Variants in USP33 observed in about 807,000 individuals in gnomAD.
USP33 encodes the protein ubiquitin specific peptidase 33.
Under a neutral mutation model 124.2 loss-of-function variants are expected in USP33, and 46 were observed. The ratio of observed to expected loss-of-function variants is 0.37; its 90% confidence interval spans 0.29 to 0.47. USP33 has a LOEUF of 0.47. Ranked by LOEUF, USP33 falls within the 20% of genes least tolerant of loss-of-function variation. The pLI is 0.99. For missense variants in USP33, 851 were observed against 1,070.6 expected, an observed-to-expected ratio of 0.79 and a Z score of 2.86; for synonymous variants, 350 against 352.3, an observed-to-expected ratio of 0.99 and a Z score of 0.07.
Position 77,697,201 on chromosome 1 carries a change from G to T in USP33, c.*116C>A. The stretch of plus-strand genomic sequence containing the variant: ...ATGCCCACTAAGAAGAAATAAATGG[G>T]ATAAATGATGAAAAAAAATAAAGCA... On this transcript the variant is annotated 3_prime_UTR_variant, in exon 24 of 24. Transcript: ENST00000370794. The T allele has an allele frequency of 1.0e-6, 1 of 984,826 alleles. No individual in the cohort carries two copies. Among genetic ancestry groups the T allele is most frequent in the Non-Finnish European group, 1.5e-6 (1 of 685,720 alleles). 61.0% of individuals were successfully genotyped at this position (984,826 alleles called of 1,614,324 possible).
At chr1:77,720,211 TG>T (rs1339046350) in intron 15 of USP33, 1 of 335,892 alleles carries the variant, frequency 3.0e-6, no homozygotes, top group African/African-American at 2.4e-5. Context: ...TTCTTACATG[TG>T]GAAAAAAAGA....
intron 1 of USP33, among the ~76,000 whole-genome samples, chr1:77,749,301 T>G (rs1680058547): frequency 6.6e-6 from 1 of 152,218 alleles, no homozygotes; most frequent in South Asian, 2.1e-4. Context: ...TTCTCCACTA[T>G]TTTTGTTCTG....
Position 77,728,275 on chromosome 1 carries a change from A to G in USP33, c.1135+20T>C, listed in dbSNP as rs201236036. ...AAATGAAATACTATCATTTTCATGA[A>G]CAAACTACTAAATTGTCACCTGAAG... On this transcript the variant is annotated intron_variant, in intron 10 of 23. Coordinates refer to ENST00000370794, the MANE Select transcript of USP33 (RefSeq NM_201624.3). 57 of 1,544,042 alleles carry G rather than the reference A, an allele frequency of 3.7e-5. No individual in the cohort carries two copies. Among genetic ancestry groups the G allele is most frequent in the Non-Finnish European group, 4.3e-5 (50 of 1,150,918 alleles).
chr1:77,709,345 C>CA (rs1229402785), intron 21 of USP33, among the ~76,000 whole-genome samples: 2 of 151,816 alleles, frequency 1.3e-5, no homozygotes, highest in African/African-American at 4.8e-5. Flanking sequence ...ACTGTCTCTA[C>CA]AAAAAAATTT....
rs867470480 is a variant in USP33 at position 77,698,725 on chromosome 1, C to A, written c.2510-794G>T. ...CCGTGTTAGCCAGGATGGTCTTGAT[C>A]TCCTGACCTCGTGATCCACCCCCCT... On this transcript the variant is annotated intron_variant, in intron 22 of 23. Coordinates refer to ENST00000370794, the MANE Select transcript of USP33 (RefSeq NM_201624.3). Among the ~76,000 whole-genome samples, 11 of 152,062 alleles carry A rather than the reference C, an allele frequency of 7.2e-5. No individual in the cohort carries two copies. In the South Asian group the frequency reaches 1.9e-3, roughly 26 times the overall value.
chr1:77,716,640 C>T lies in USP33; in HGVS notation c.1919-772G>A, dbSNP rs530250649. ...AGAACCCGGTAAATCAAAGGTTAGT[C>T]TTAGGACCACATGGGTAAACAAGCT... On this transcript the variant is annotated intron_variant, in intron 17 of 23. Coordinates refer to ENST00000370794, the MANE Select transcript of USP33 (RefSeq NM_201624.3). Among the ~76,000 whole-genome samples, 13 of 152,266 alleles carry T rather than the reference C, an allele frequency of 8.5e-5. No individual in the cohort carries two copies. The South Asian group carries it at 2.7e-3, about 32-fold the overall frequency.
chr1:77,701,034 T>C (rs1673957229), intron 22 of USP33, among the ~76,000 whole-genome samples: 1 of 152,210 alleles, frequency 6.6e-6, no homozygotes, highest in African/African-American at 2.4e-5. Context: ...TTATTAAATA[T>C]TGTCATACAA....
At chr1:77,709,878 C>CGCAT (rs913405391) in intron 21 of USP33, among the ~76,000 whole-genome samples, 2 of 121,510 alleles carry the variant, frequency 1.6e-5, no homozygotes, top group Non-Finnish European at 3.3e-5. Context: ...TACATGCATA[C>CGCAT]ACATACACAC....
chr1:77,707,885 T>G (rs756378459), intron 21 of USP33, among the ~76,000 whole-genome samples: 13 of 152,242 alleles, frequency 8.5e-5, no homozygotes, highest in African/African-American at 1.4e-4. Flanking sequence ...TGGTGGTGGT[T>G]AACGTTACTG....
intron 19 of USP33, chr1:77,713,557 C>CTTTTT (rs1192112747): frequency 1.4e-3 from 206 of 145,312 alleles, no homozygotes; most frequent in Middle Eastern, 2.9e-3. Flanking sequence ...GCTAACTTTT[C>CTTTTT]TTTTTTTTTT....
At chr1:77,709,314 G>T (rs75271853) in intron 21 of USP33, among the ~76,000 whole-genome samples, 2,027 of 152,120 alleles carry the variant, frequency 0.013, 40 homozygotes, top group African/African-American at 0.047. Context: ...TTAGAGACCA[G>T]CCTGAGCAAG....
intron 10 of USP33, 127 bp downstream of exon 10, chr1:77,728,168 A>T: frequency 9.7e-7 from 1 of 1,027,426 alleles, no homozygotes; most frequent in Non-Finnish European, 1.4e-6. Flanking sequence ...TTTTATGACT[A>T]ATACTCACAT....
At chr1:77,739,116 T>A (rs1159457495) in intron 5 of USP33, 149 bp downstream of exon 5, 3 of 850,942 alleles carry the variant, frequency 3.5e-6, no homozygotes, top group Non-Finnish European at 5.2e-6. Context: ...GGAGTCTGAG[T>A]GCTTTATTTG....
intron 21 of USP33, among the ~76,000 whole-genome samples, chr1:77,708,582 T>C (rs1225690749): frequency 6.6e-6 from 1 of 152,240 alleles, no homozygotes; most frequent in Non-Finnish European, 1.5e-5. Flanking sequence ...TTATGCAGTT[T>C]TGAATTTTTT....
intron 21 of USP33, among the ~76,000 whole-genome samples, chr1:77,707,576 T>C (rs1345207478): frequency 2.0e-5 from 3 of 152,148 alleles, no homozygotes; most frequent in African/African-American, 4.8e-5. Context: ...GGAACCACCA[T>C]TCAACCCACT....
At position 77,702,141 on chromosome 1, in the gene USP33, C is replaced by CAAAAAAAAAAAAA. The variant is rs58750531; in HGVS notation, c.2407-683_2407-671dup. ...TGGGTGACAGAACAAGACCCTGTCT[C>CAAAAAAAAAAAAA]AAAAAAAAAAAAAAAAAAAAAAAAA... On this transcript the variant is annotated intron_variant, in intron 21 of 23. Transcript: ENST00000370794. 1.6e-3 allele frequency among the ~76,000 whole-genome samples: 25 copies of CAAAAAAAAAAAAA among 15,784 alleles called. 1 individual carries two copies. The highest frequency in any genetic ancestry group is 2.9e-3 in the African/African-American group (23 of 7,804). 10.4% of individuals were successfully genotyped at this position (15,784 alleles called of 152,430 possible). A position where few individuals can be genotyped will look rare whatever the true frequency, so the allele number is the denominator to read the frequency against.
At chr1:77,704,404 A>G (rs1397774341) in intron 21 of USP33, among the ~76,000 whole-genome samples, 1 of 152,232 alleles carries the variant, frequency 6.6e-6, no homozygotes, top group African/African-American at 2.4e-5. Flanking sequence ...TTAAATTCAT[A>G]CCACTACCAT....
chr1:77,700,777 T>G (rs1018827525), intron 22 of USP33, among the ~76,000 whole-genome samples: 1 of 151,178 alleles, frequency 6.6e-6, no homozygotes, highest in Admixed American at 6.6e-5. Context: ...CTCAGTTCAC[T>G]GCAGCCTCCG....
chr1:77,731,355 C>T (rs1300795133), intron 7 of USP33, among the ~76,000 whole-genome samples: 5 of 152,128 alleles, frequency 3.3e-5, no homozygotes, highest in Admixed American at 1.3e-4. Context: ...GTTGGTGGCT[C>T]AAGTTAGCAA....
Sources: gnomAD v4.1 joint callset for allele counts (sites outside exome capture counted in the v4.1 genomes callset) on GRCh38, gnomAD v4.1.1 for gene constraint, MANE v1.5 for transcripts, NCBI Gene and HGNC (gene_info 2026-07-23, HGNC 2026-07-21) for gene names.